Variants in TASOR observed in about 807,000 individuals in gnomAD.
The protein encoded by TASOR is transcription activation suppressor.
TASOR carries 53 observed loss-of-function variants against 178.6 expected under a neutral mutation model. The ratio of observed to expected loss-of-function variants is 0.30; its 90% CI spans 0.24 to 0.37. TASOR has a LOEUF of 0.37. Ranked by LOEUF, TASOR falls within the 10% of genes least tolerant of loss-of-function variation. The probability of loss-of-function intolerance (pLI) is 1.00; values close to 1 mark genes in which losing one functional copy is unlikely to be tolerated. For synonymous variants in TASOR, 713 were observed against 696.2 expected, an observed-to-expected ratio of 1.02 and a Z score of -0.38; for missense variants, 1,815 against 1,971.4, an observed-to-expected ratio of 0.92 and a Z score of 1.50.
At chr3:56,681,815 G>T (rs1477488029) in intron 1 of TASOR, among the ~76,000 whole-genome samples, 2 of 152,114 alleles carry the variant, frequency 1.3e-5, no homozygotes, top group Non-Finnish European at 2.9e-5. Flanking sequence ...TAACAATATG[G>T]CATTAAGATT....
chr3:56,624,160 C>T (rs981049982), intron 23 of TASOR, among the ~76,000 whole-genome samples: 2 of 152,198 alleles, frequency 1.3e-5, no homozygotes, highest in African/African-American at 4.8e-5. Context: ...AATATAACCC[C>T]TTTGCTGACA....
Position 56,633,957 on chromosome 3 carries a change from G to A in TASOR, c.2834C>T (p.Ser945Leu). ...HGEKQTPGMK[S>L]PEEQLVCVPP... ...CACACACACCAGTTGTTCTTCTGGT[G>A]ATTTCATACCTATACAGGAAGAGTT... is the stretch of plus-strand genomic sequence containing the variant. Residue 945 changes from serine to leucine, a missense_variant, in exon 18 of 24, where the codon TCA becomes TTA. Physicochemically the swap from Ser to Leu is moderately radical, Grantham distance 145. This residue lies in a region of TASOR where 655 missense variants were observed against 671.1 expected (regional missense o/e 0.98). Transcript: ENST00000683822. The A allele has an allele frequency of 1.3e-6, 2 of 1,544,202 alleles. No individual in the cohort carries two copies. The highest frequency in any genetic ancestry group is 1.2e-5 in the South Asian group (1 of 82,840).
intron 11 of TASOR, among the ~76,000 whole-genome samples, chr3:56,649,338 AT>A (rs1193891488): frequency 6.6e-6 from 1 of 152,206 alleles, no homozygotes; most frequent in African/African-American, 2.4e-5. Flanking sequence ...TGAAGCTAAA[AT>A]ACAAGGACCA....
In TASOR at chr3:56,670,153, TAA is replaced by T; in HGVS notation, c.571-10_571-9del. On this transcript the variant is annotated splice_polypyrimidine_tract_variant and intron_variant, in intron 3 of 23. Transcript: ENST00000683822. Reference sequence around the variant, plus strand: ...TTCACATATGGTTTGAACCTAAATTTAAAAAAAAATACTTCATCTTGCAGTCA... The same window carrying T: ...TTCACATATGGTTTGAACCTAAATTTAAAAAAATACTTCATCTTGCAGTCA... 6.9e-7 allele frequency: 1 copy of T among 1,445,248 alleles called. No individual in the cohort carries two copies. Among genetic ancestry groups the T allele is most frequent in the Admixed American group, 2.4e-5 (1 of 41,202 alleles). The allele number at this position is 1,445,248 out of a possible 1,614,324, so 89.5% of individuals were successfully genotyped here.
At chr3:56,656,156 A>C (rs1028878708) in intron 11 of TASOR, among the ~76,000 whole-genome samples, 2 of 152,236 alleles carry the variant, frequency 1.3e-5, no homozygotes, top group Non-Finnish European at 2.9e-5. Context: ...CAGATAATGA[A>C]TTCTATATAG....
intron 17 of TASOR, among the ~76,000 whole-genome samples, chr3:56,637,989 C>T (rs1283053236): frequency 6.6e-6 from 1 of 152,082 alleles, no homozygotes; most frequent in East Asian, 1.9e-4. Flanking sequence ...GTTTTACAAT[C>T]AGAAGAACTA....
At chr3:56,636,304 C>A (rs1018355895) in intron 17 of TASOR, among the ~76,000 whole-genome samples, 6 of 146,724 alleles carry the variant, frequency 4.1e-5, no homozygotes, top group Non-Finnish European at 6.0e-5. Context: ...AAAAAAAAAA[C>A]AAAACTTAAT....
intron 23 of TASOR, chr3:56,623,878 C>G: frequency 6.6e-7 from 1 of 1,518,402 alleles, no homozygotes; most frequent in Middle Eastern, 1.7e-4. Flanking sequence ...TTTGACAAGA[C>G]AAATATAAAA....
intron 18 of TASOR, among the ~76,000 whole-genome samples, chr3:56,632,382 G>A (rs2076935094): frequency 6.6e-6 from 1 of 152,036 alleles, no homozygotes; most frequent in South Asian, 2.1e-4. Context: ...GGCTGAGGCA[G>A]GAGAATCGCT....
intron 1 of TASOR, among the ~76,000 whole-genome samples, chr3:56,678,227 G>A (rs1307635238): frequency 7.6e-6 from 1 of 131,478 alleles, no homozygotes; most frequent in Non-Finnish European, 1.5e-5. Flanking sequence ...TGTTGCCCGG[G>A]CTGGAGTGCA....
chr3:56,624,946 C>G lies in TASOR; in HGVS notation c.4200G>C (p.Leu1400=). Residue 1400 remains leucine, a synonymous_variant, in exon 22 of 24, where the codon CTG becomes CTC. Coordinates refer to ENST00000683822, the MANE Select transcript of TASOR (RefSeq NM_001365635.2). ...TLLNVYQKKH[L]VEILSYHNCD... ...AATTGTGGTATGACAAAATTTCAACCAGATGTTTCTTCTGATAGACATTCA... is the reference window on the plus strand; with the variant it reads ...AATTGTGGTATGACAAAATTTCAACGAGATGTTTCTTCTGATAGACATTCA... The G allele has an allele frequency of 5.0e-6, 8 of 1,614,134 alleles. No homozygotes were observed. The highest frequency in any genetic ancestry group is 6.8e-6 in the Non-Finnish European group (8 of 1,180,002).
In TASOR at chr3:56,666,292, A is replaced by G. The variant is rs2029961921; in HGVS notation, c.990T>C (p.Asp330=). 1 of 1,545,672 alleles carries G rather than the reference A, an allele frequency of 6.5e-7. No individual in the cohort carries two copies. The highest frequency in any genetic ancestry group is 8.7e-7 in the Non-Finnish European group (1 of 1,144,718). The change falls in exon 7 of 24, where the codon GAT becomes GAC. Residue 330 remains aspartate, a synonymous_variant. Coordinates refer to ENST00000683822, the MANE Select transcript of TASOR (RefSeq NM_001365635.2). ...AAGGTACAAACTTCGGAGTTTGTAT[A>G]TCATCTTTGTAAGTAAAAGACACAA... is the stretch of plus-strand genomic sequence containing the variant. The part of the protein sequence containing the change: ...YAVVSFTYKD[D]IQTPKFVPSS...
At chr3:56,626,377 T>C (rs1037731054) in intron 21 of TASOR, among the ~76,000 whole-genome samples, 10 of 152,152 alleles carry the variant, frequency 6.6e-5, no homozygotes, top group Non-Finnish European at 7.3e-5. Flanking sequence ...TATATGTAAT[T>C]TTATTAGCTA....
Position 56,638,741 on chromosome 3 carries a change from T to C in TASOR, c.2789A>G (p.Asp930Gly). Residue 930 changes from aspartate to glycine, a missense_variant, in exon 17 of 24, where the codon GAC (aspartate) becomes GGC (glycine). Around this residue, in one of 5 missense-constraint regions of TASOR, gnomAD observed 655 missense variants for 671.1 expected, o/e 0.98. Transcript: ENST00000683822. ...TTTCTCACCATGTTTCCCCAGCTGGTCTTCTGGGCTTCTTGCATTCCCTCC... is the reference window on the plus strand; with the variant it reads ...TTTCTCACCATGTTTCCCCAGCTGGCCTTCTGGGCTTCTTGCATTCCCTCC... The part of the protein sequence containing the change: ...ITGGNARSPE[D>G]QLGKHGEKQT... 2 of 1,614,104 alleles carry C rather than the reference T, an allele frequency of 1.2e-6. No individual in the cohort carries two copies. The highest frequency in any genetic ancestry group is 4.5e-5 in the East Asian group (2 of 44,862).
intron 17 of TASOR, among the ~76,000 whole-genome samples, chr3:56,635,308 A>G (rs1345805250): frequency 6.6e-6 from 1 of 152,236 alleles, no homozygotes; most frequent in Non-Finnish European, 1.5e-5. Context: ...ACGTGCCAGG[A>G]TAAGAATTAG....
At position 56,682,774 on chromosome 3, in the gene TASOR, G is replaced by A. The variant is rs1430917528; in HGVS notation, c.233C>T (p.Ser78Phe). 2 of 1,549,720 alleles carry A rather than the reference G, an allele frequency of 1.3e-6. No individual in the cohort carries two copies. The highest frequency in any genetic ancestry group is 2.4e-5 in the East Asian group (1 of 40,844). Residue 78 changes from serine (S) to phenylalanine (F), a missense_variant, in exon 1 of 24, where the codon TCT becomes TTT. This residue lies in a region of TASOR where 244 missense variants were observed against 202.7 expected (regional missense o/e 1.20). Coordinates refer to ENST00000683822, the MANE Select transcript of TASOR (RefSeq NM_001365635.2). ...GGGCAGGGCGGCCGCGCCCGCCTCA[G>A]AGGAGTCCTGAGGCTGCTCGTGGCT... is the stretch of plus-strand genomic sequence containing the variant. ...SLSHEQPQDS[S>F]EAGAAALPRG...
intron 1 of TASOR, among the ~76,000 whole-genome samples, 173 bp downstream of exon 1, chr3:56,682,503 T>C (rs952211611): frequency 1.3e-5 from 2 of 151,424 alleles, no homozygotes; most frequent in African/African-American, 4.8e-5. Context: ...TTCCACCGCT[T>C]TCTCTCGCAC....
intron 17 of TASOR, among the ~76,000 whole-genome samples, chr3:56,635,966 C>A (rs2077007373): frequency 6.6e-6 from 1 of 152,180 alleles, no homozygotes; most frequent in Non-Finnish European, 1.5e-5. Context: ...TAAATAATCA[C>A]AACCTAATTT....
In TASOR at chr3:56,633,814, C is replaced by G. The variant is rs572244903; in HGVS notation, c.2977G>C (p.Val993Leu). ...TGCTCCTCCACCTGACCTGTCAACA[C>G]GTCATCCTCAGTGGTGCCCTTTAGT... ...DTLKGTTEDD[V>L]LTGQVEEQCV... is the part of the protein sequence containing the mutation. The change falls in exon 18 of 24, where the codon GTG becomes CTG. Residue 993 changes from valine to leucine, a missense_variant. By Grantham distance (32) the Val-to-Leu change is conservative (BLOSUM62 1). This residue lies in a region of TASOR where 655 missense variants were observed against 671.1 expected (regional missense o/e 0.98). Coordinates refer to ENST00000683822, the MANE Select transcript of TASOR (RefSeq NM_001365635.2). 1 of 1,614,150 alleles carries G rather than the reference C, an allele frequency of 6.2e-7. No individual in the cohort carries two copies. Among genetic ancestry groups the G allele is most frequent in the East Asian group, 2.2e-5 (1 of 44,880 alleles).
Sources: gnomAD v4.1 joint callset for allele counts (sites outside exome capture counted in the v4.1 genomes callset) on GRCh38, gnomAD v4.1.1 for gene constraint, gnomAD v4.1.1 regional missense constraint, MANE v1.5 for transcripts, NCBI Gene and HGNC (gene_info 2026-07-23, HGNC 2026-07-21) for gene names.